The following ZFPM2 variants were observed in gnomAD, a reference collection of about 807,000 sequenced individuals.
ZFPM2 encodes zinc finger protein ZFPM2.
Under a neutral mutation model 98.6 loss-of-function variants are expected in ZFPM2, and 20 were observed. The ratio of observed to expected loss-of-function variants is 0.20; its 90% CI spans 0.14 to 0.29. ZFPM2 has a LOEUF of 0.29. ZFPM2 is among the 10% of genes least tolerant of loss of function. ZFPM2 has a pLI of 1.00. For missense variants in ZFPM2, 1,310 were observed against 1,388.6 expected (o/e 0.94, Z 0.90); for synonymous variants, 518 against 502.7 (o/e 1.03, Z -0.41).
At chr8:105,448,632 A>C (rs1007187282) in intron 3 of ZFPM2, among the ~76,000 whole-genome samples, 3 of 152,034 alleles carry the variant, frequency 2.0e-5, no homozygotes, top group African/African-American at 7.2e-5. Flanking sequence ...AGTATGGTTT[A>C]AACTACAGAA....
chr8:105,371,521 A>G (rs1053406859), intron 1 of ZFPM2, among the ~76,000 whole-genome samples: 10 of 152,308 alleles, frequency 6.6e-5, no homozygotes, highest in African/African-American at 2.4e-4. Flanking sequence ...CTGGTTACAG[A>G]TGTTATCTAA....
chr8:105,635,111 T>C (rs1233360680), intron 5 of ZFPM2, among the ~76,000 whole-genome samples: 1 of 152,204 alleles, frequency 6.6e-6, no homozygotes. Flanking sequence ...TCTTACAGTA[T>C]AATCCCTAAT....
chr8:105,657,225 G>C (rs1172581238), intron 5 of ZFPM2, among the ~76,000 whole-genome samples: 1 of 152,014 alleles, frequency 6.6e-6, no homozygotes, highest in Non-Finnish European at 1.5e-5. Flanking sequence ...TGCAACCTCT[G>C]TCTCCTGGGT....
chr8:105,724,248 G>A (rs1811752021), intron 5 of ZFPM2, among the ~76,000 whole-genome samples: 1 of 151,846 alleles, frequency 6.6e-6, no homozygotes, highest in African/African-American at 2.4e-5. Context: ...TGCAGCAAGA[G>A]CTTCATGAAT....
intron 3 of ZFPM2, among the ~76,000 whole-genome samples, chr8:105,514,661 C>T (rs1362144709): frequency 1.3e-5 from 2 of 152,116 alleles, no homozygotes; most frequent in African/African-American, 4.8e-5. Flanking sequence ...AGCCTCAGGC[C>T]AATTATCAGC....
At chr8:105,344,695 A>G (rs146049950) in intron 1 of ZFPM2, among the ~76,000 whole-genome samples, 4 of 152,152 alleles carry the variant, frequency 2.6e-5, no homozygotes, top group Non-Finnish European at 4.4e-5. Flanking sequence ...GTGTGTGTGT[A>G]TACATATATG....
chr8:105,767,498 T>TA lies in ZFPM2; in HGVS notation c.533-21214dup, dbSNP rs1290260766. Among the ~76,000 whole-genome samples the TA allele has an allele frequency of 3.9e-5, 6 of 151,914 alleles. No individual in the cohort carries two copies. The East Asian group carries it at 1.2e-3, about 29-fold the overall frequency. ...AAATACACTGGGGTCAGGGTAAGCA[T>TA]AAAAAATGAAACAGTTATTTGAATA... On this transcript the variant is annotated intron_variant, in intron 5 of 7. Transcript: ENST00000407775.
At chr8:105,660,601 A>G (rs953017546) in intron 5 of ZFPM2, among the ~76,000 whole-genome samples, 8 of 152,302 alleles carry the variant, frequency 5.3e-5, no homozygotes, top group South Asian at 2.1e-4. Flanking sequence ...ATGAATATCT[A>G]TATCTATCTC....
chr8:105,541,189 AT>A (rs1814568423), intron 3 of ZFPM2, among the ~76,000 whole-genome samples: 2 of 152,232 alleles, frequency 1.3e-5, no homozygotes, highest in African/African-American at 4.8e-5. Context: ...CTGATGAAAT[AT>A]TTTTTAAGTG....
chr8:105,675,584 G>C (rs1269611821), intron 5 of ZFPM2, among the ~76,000 whole-genome samples: 1 of 152,136 alleles, frequency 6.6e-6, no homozygotes, highest in Non-Finnish European at 1.5e-5. Context: ...GAGTTGAGCA[G>C]TGATCTCTGA....
chr8:105,792,952 A>G (rs936557162), intron 6 of ZFPM2, among the ~76,000 whole-genome samples: 1 of 151,882 alleles, frequency 6.6e-6, no homozygotes, highest in Non-Finnish European at 1.5e-5. Flanking sequence ...ATCTTCCTCC[A>G]TCCTTTTATT....
At chr8:105,585,105 A>G (rs552480533) in intron 4 of ZFPM2, among the ~76,000 whole-genome samples, 1 of 152,300 alleles carries the variant, frequency 6.6e-6, no homozygotes, top group East Asian at 1.9e-4. Flanking sequence ...ATCCTCATAC[A>G]TTATCAGTTA....
At chr8:105,319,651 C>T (rs1275119467) in intron 1 of ZFPM2, 2 of 152,362 alleles carry the variant, frequency 1.3e-5, no homozygotes, top group Non-Finnish European at 2.9e-5. Context: ...CGGCTCACGC[C>T]GCCAGGACGC....
chr8:105,567,154 T>C (rs1330161398), intron 4 of ZFPM2, among the ~76,000 whole-genome samples: 2 of 152,196 alleles, frequency 1.3e-5, no homozygotes, highest in East Asian at 3.9e-4. Flanking sequence ...ATCTTAATAA[T>C]TGCTAGTCTT....
At chr8:105,597,639 A>AT in intron 4 of ZFPM2, among the ~76,000 whole-genome samples, 1 of 152,126 alleles carries the variant, frequency 6.6e-6, no homozygotes, top group Non-Finnish European at 1.5e-5. Flanking sequence ...AATGCAGATA[A>AT]ATATTATAAT....
intron 5 of ZFPM2, among the ~76,000 whole-genome samples, chr8:105,706,062 A>T (rs903670630): frequency 6.6e-6 from 1 of 152,124 alleles, no homozygotes; most frequent in African/African-American, 2.4e-5. Context: ...ATGTGAGTGT[A>T]TATATATTTA....
intron 5 of ZFPM2, among the ~76,000 whole-genome samples, chr8:105,692,994 C>T (rs180683066): frequency 5.9e-5 from 9 of 152,144 alleles, no homozygotes; most frequent in Middle Eastern, 3.4e-3. Context: ...GAAAGTAGAA[C>T]GCAGACAGAG....
intron 5 of ZFPM2, among the ~76,000 whole-genome samples, chr8:105,676,334 A>T (rs1810458550): frequency 1.3e-5 from 2 of 152,168 alleles, no homozygotes; most frequent in African/African-American, 4.8e-5. Flanking sequence ...TGTGGAAGAT[A>T]ACTCAAGATA....
intron 5 of ZFPM2, among the ~76,000 whole-genome samples, chr8:105,698,541 AT>A (rs1486781598): frequency 1.3e-5 from 2 of 152,204 alleles, no homozygotes; most frequent in African/African-American, 4.8e-5. Flanking sequence ...ATTAATTTGA[AT>A]TTTTTGATGC....
Sources: allele counts gnomAD v4.1 joint callset (sites outside exome capture counted in the v4.1 genomes callset), GRCh38; gene constraint gnomAD v4.1.1; transcripts MANE v1.5; gene names NCBI Gene and HGNC (gene_info 2026-07-23, HGNC 2026-07-21).